Variants in IFT122 observed in about 807,000 individuals in gnomAD.
The protein encoded by IFT122 is intraflagellar transport protein 122 homolog.
In IFT122, 118 loss-of-function variants were observed where a neutral mutation model predicts 161.6. The observed-to-expected ratio is 0.73, with a 90% confidence interval of 0.63 to 0.85. The LOEUF (loss-of-function observed/expected upper bound fraction) is 0.85. Ranked by LOEUF, IFT122 falls within the 40% of genes least tolerant of loss-of-function variation. The probability of loss-of-function intolerance (pLI) is 0.00; values close to 1 mark genes in which losing one functional copy is unlikely to be tolerated. For missense variants in IFT122, 1,381 were observed against 1,579.6 expected, an observed-to-expected ratio of 0.87 and a Z score of 2.13; for synonymous variants, 550 against 602.4, an observed-to-expected ratio of 0.91 and a Z score of 1.27.
chr3:129,515,680 C>T (rs565172203), intron 26 of IFT122, 81 bp downstream of exon 26: 34 of 1,320,336 alleles, frequency 2.6e-5, no homozygotes, highest in Admixed American at 2.1e-4. Flanking sequence ...GGCCTCAGGA[C>T]GTTGGGCAAG....
chr3:129,464,526 T>C, intron 6 of IFT122, 109 bp from the exon 7 acceptor site: 1 of 1,281,256 alleles, frequency 7.8e-7, no homozygotes, highest in Non-Finnish European at 1.1e-6. Flanking sequence ...ATCCCAGCTG[T>C]TGCTGCCTCA....
In IFT122 at chr3:129,515,378, G is replaced by A. The variant is rs565755863; in HGVS notation, c.3154-110G>A. On this transcript the variant is annotated intron_variant, in intron 25 of 29. Coordinates refer to ENST00000348417, the MANE Select transcript of IFT122 (RefSeq NM_052989.3). ...GCGCCCCTTCCCTGCCTGCCCACCC[G>A]GGTGGCCTTTCCTCTTGGCAGCCAG... 1.6e-4 allele frequency: 138 copies of A among 872,210 alleles called. 2 individuals carry two copies. The highest frequency in any genetic ancestry group is 1.1e-3 in the South Asian group (80 of 70,194). The allele number at this position is 872,210 out of a possible 1,614,324, so 54.0% of individuals were successfully genotyped here. A position where few individuals can be genotyped will look rare whatever the true frequency, so the allele number is the denominator to read the frequency against.
chr3:129,442,579 CA>C (rs397935692), intron 1 of IFT122, among the ~76,000 whole-genome samples: 114 of 123,522 alleles, frequency 9.2e-4, no homozygotes, highest in Middle Eastern at 4.2e-3. Context: ...AAAAACTAAA[CA>C]AAAAAAAAAA....
chr3:129,461,166 G>A (rs1395557548), intron 4 of IFT122, 62 bp from the exon 5 acceptor site: 2 of 1,351,870 alleles, frequency 1.5e-6, no homozygotes, highest in African/African-American at 2.9e-5. Context: ...AAAATCTTCA[G>A]TTGTAGCCAC....
chr3:129,455,456 C>T (rs1282882035), intron 3 of IFT122, among the ~76,000 whole-genome samples: 1 of 152,112 alleles, frequency 6.6e-6, no homozygotes, highest in African/African-American at 2.4e-5. Flanking sequence ...CAGGCGTGAA[C>T]CACCATGCCT....
intron 17 of IFT122, 123 bp downstream of exon 17, chr3:129,492,317 T>G: frequency 1.2e-6 from 1 of 825,360 alleles, no homozygotes; most frequent in Non-Finnish European, 2.1e-6. Context: ...CGTCTGGGCA[T>G]CTGGGCCACA....
At chr3:129,458,304 A>T (rs2075774958) in intron 3 of IFT122, among the ~76,000 whole-genome samples, 1 of 152,208 alleles carries the variant, frequency 6.6e-6, no homozygotes, top group African/African-American at 2.4e-5. Flanking sequence ...CACTAGACTG[A>T]ACTTTATGAA....
At chr3:129,446,241 C>G (rs989542101) in intron 1 of IFT122, among the ~76,000 whole-genome samples, 1 of 142,884 alleles carries the variant, frequency 7.0e-6, no homozygotes, top group African/African-American at 2.6e-5. Flanking sequence ...TTTTTTTTTT[C>G]TGAGACAGAG....
At chr3:129,506,965 A>T (rs2082253394) in intron 22 of IFT122, among the ~76,000 whole-genome samples, 1 of 152,204 alleles carries the variant, frequency 6.6e-6, no homozygotes, top group South Asian at 2.1e-4. Context: ...TTCTTTCACA[A>T]GACTTCCCAT....
At chr3:129,465,683 C>T (rs551267898) in intron 7 of IFT122, among the ~76,000 whole-genome samples, 3,154 of 93,284 alleles carry the variant, frequency 0.034, 256 homozygotes, top group Admixed American at 0.042. Context: ...TCGCCCAGGC[C>T]GGACTGCGGA....
At chr3:129,453,682 A>G (rs1479545156) in intron 3 of IFT122, among the ~76,000 whole-genome samples, 2 of 152,200 alleles carry the variant, frequency 1.3e-5, no homozygotes, top group East Asian at 3.8e-4. Flanking sequence ...CTGAATAATG[A>G]AGGGAGAGAG....
chr3:129,451,393 G>A lies in IFT122; in HGVS notation c.109-521G>A, dbSNP rs983957822. Among the ~76,000 whole-genome samples the A allele has an allele frequency of 2.0e-5, 3 of 152,262 alleles. No individual in the cohort carries two copies. The East Asian group carries it at 5.8e-4, about 29-fold the overall frequency. On this transcript the variant is annotated intron_variant, in intron 2 of 29. Transcript: ENST00000348417. ...CCACTTCAGCCTCCCAGAGTGTTGG[G>A]ATGACAGGAGTGAGCTACCATGCCT...
In IFT122 at chr3:129,520,407, C is replaced by T. The variant is rs977256057; in HGVS notation, c.*142C>T. ...TTGTGGGGGGGGCCTTGTGTAACCA[C>T]GGAATTCCTATTTATGGCATTTCAT... On this transcript the variant is annotated 3_prime_UTR_variant, in exon 30 of 30. Coordinates refer to ENST00000348417, the MANE Select transcript of IFT122 (RefSeq NM_052989.3). 7.0e-6 allele frequency: 5 copies of T among 716,876 alleles called. No homozygotes were observed. The highest frequency in any genetic ancestry group is 5.2e-5 in the African/African-American group (3 of 57,462). 44.4% of individuals were successfully genotyped at this position (716,876 alleles called of 1,614,324 possible).
intron 13 of IFT122, among the ~76,000 whole-genome samples, chr3:129,480,301 A>G (rs1445167878): frequency 6.6e-6 from 1 of 152,230 alleles, no homozygotes; most frequent in Non-Finnish European, 1.5e-5. Context: ...GGATTAAGGC[A>G]GTGCGTTCCA....
rs541664769 is a variant in IFT122, at chr3:129,497,398, G to A, written c.2208+1791G>A. Among the ~76,000 whole-genome samples, 13 of 152,298 alleles carry A rather than the reference G, an allele frequency of 8.5e-5. 1 individual carries two copies. The South Asian group carries it at 2.1e-3, about 24-fold the overall frequency. On this transcript the variant is annotated intron_variant, in intron 18 of 29. Transcript: ENST00000348417. ...CCTTCCCTTCTCAGATGGTAATAGCGACAGCTCAGTTTAGTCATGAGATTT... is the reference window on the plus strand; with the variant it reads ...CCTTCCCTTCTCAGATGGTAATAGCAACAGCTCAGTTTAGTCATGAGATTT...
intron 15 of IFT122, among the ~76,000 whole-genome samples, chr3:129,486,900 G>A (rs2079350551): frequency 6.6e-6 from 1 of 152,224 alleles, no homozygotes; most frequent in Non-Finnish European, 1.5e-5. Context: ...CGTAGCCTAT[G>A]CCTGCTGCCC....
rs558310013 is a variant in IFT122 at position 129,492,362 on chromosome 3, G to A, written c.2046+168G>A. ...CGGGGGCAGAGTGGCCACACTGGGG[G>A]AGACAACAGCAGGTAGTGTGAGCTG... On this transcript the variant is annotated intron_variant, in intron 17 of 29. Coordinates refer to ENST00000348417, the MANE Select transcript of IFT122 (RefSeq NM_052989.3). Among the ~76,000 whole-genome samples, 8 of 152,324 alleles carry A rather than the reference G, an allele frequency of 5.3e-5. No individual in the cohort carries two copies. In the South Asian group the frequency reaches 1.4e-3, roughly 28 times the overall value.
In IFT122 at chr3:129,481,589, T is replaced by C. The variant is rs1375091576; in HGVS notation, c.1548T>C (p.Ala516=). The change falls in exon 14 of 30, where the codon GCT becomes GCC. Residue 516 remains alanine (A), a synonymous_variant. Transcript: ENST00000348417. ...TCGTCCTGCTGAAGCAGGCCACAGCTGTGCGCTGCTTGGACATGAGTGCCT... is the reference window on the plus strand; with the variant it reads ...TCGTCCTGCTGAAGCAGGCCACAGCCGTGCGCTGCTTGGACATGAGTGCCT... ...FAIVLLKQAT[A]VRCLDMSASR... The C allele has an allele frequency of 1.3e-6, 2 of 1,587,428 alleles. No homozygotes were observed. Among genetic ancestry groups the C allele is most frequent in the South Asian group, 2.2e-5 (2 of 90,538 alleles).
intron 18 of IFT122, among the ~76,000 whole-genome samples, chr3:129,498,832 C>T (rs1359980482): frequency 2.0e-5 from 3 of 152,136 alleles, no homozygotes; most frequent in Admixed American, 6.5e-5. Flanking sequence ...GTAACATAGA[C>T]CTGGGCTGTA....
Sources: gnomAD v4.1 joint callset for allele counts (sites outside exome capture counted in the v4.1 genomes callset) on GRCh38, gnomAD v4.1.1 for gene constraint, MANE v1.5 for transcripts, NCBI Gene and HGNC (gene_info 2026-07-23, HGNC 2026-07-21) for gene names.